Variants in WDR18 observed in about 807,000 individuals in gnomAD.
The protein encoded by WDR18 is WD repeat-containing protein 18.
In WDR18, 33 loss-of-function variants were observed where a neutral mutation model predicts 49.6. That is an observed-to-expected ratio of 0.67 (90% CI 0.50 to 0.89). The LOEUF is 0.89. Ranked by LOEUF, WDR18 falls within the 40% of genes least tolerant of loss-of-function variation. The pLI, the probability that WDR18 is intolerant of heterozygous loss-of-function variation, is 0.00. For missense variants in WDR18, 653 were observed against 593.6 expected, an observed-to-expected ratio of 1.10 and a Z score of -1.04; for synonymous variants, 315 against 263.6, an observed-to-expected ratio of 1.19 and a Z score of -1.89.
At chr19:987,910 C>T (rs2038493781) in intron 2 of WDR18, among the ~76,000 whole-genome samples, 2 of 146,078 alleles carry the variant, frequency 1.4e-5, no homozygotes, top group African/African-American at 5.1e-5. Flanking sequence ...TCTCAGATCA[C>T]TGCAACCTCA....
intron 8 of WDR18, 62 bp from the exon 9 acceptor site, chr19:993,958 G>A: frequency 1.3e-6 from 2 of 1,532,304 alleles, no homozygotes; most frequent in Non-Finnish European, 1.8e-6. Flanking sequence ...GGGGTGGGAT[G>A]GGCAAAGCGT....
rs773375669 is a variant in WDR18, at chr19:992,015, G to A, written c.992G>A (p.Arg331Lys). ...APVSMLSSDF[R>K]PSLPLPHFNK... The stretch of plus-strand genomic sequence containing the variant: ...GTCAGCATGCTGAGCTCAGACTTCA[G>A]GCCCAGCCTGCCGCTGCCCCACTTC... The change falls in exon 8 of 10, where the codon AGG becomes AAG. Residue 331 changes from arginine to lysine, a missense_variant. Coordinates refer to ENST00000585809, the MANE Select transcript of WDR18 (RefSeq NM_024100.4). The A allele has an allele frequency of 3.8e-6, 6 of 1,595,568 alleles. No individual in the cohort carries two copies. The East Asian group carries it at 1.1e-4, about 30-fold the overall frequency.
At chr19:983,517 C>G (rs1054552434), upstream of WDR18, among the ~76,000 whole-genome samples, 11 of 150,732 alleles carry the variant, frequency 7.3e-5, no homozygotes, top group Middle Eastern at 3.5e-3. Context: ...CCACCTCGGC[C>G]TCCCAAAGTG....
intron 2 of WDR18, among the ~76,000 whole-genome samples, chr19:988,473 C>T (rs972967048): frequency 7.2e-5 from 11 of 152,336 alleles, no homozygotes; most frequent in African/African-American, 2.6e-4. Context: ...ATCCTGCTTC[C>T]TCTGGTGCCA....
At chr19:986,588 C>T (rs1338350286) in intron 2 of WDR18, among the ~76,000 whole-genome samples, 3 of 152,142 alleles carry the variant, frequency 2.0e-5, no homozygotes, top group Non-Finnish European at 4.4e-5. Context: ...TTTTTCTTAC[C>T]GCTGGACCAA....
Position 991,954 on chromosome 19 carries a change from G to A in WDR18, c.932-1G>A. 1.3e-6 allele frequency: 2 copies of A among 1,583,660 alleles called. No homozygotes were observed. Among genetic ancestry groups the A allele is most frequent in the South Asian group, 1.1e-5 (1 of 88,674 alleles). ...CGGGGCCTGACCTCCGCGCCCCCCA[G>A]GCCCAGTCACCAATGCCGCCATCCT... On this transcript the variant is annotated splice_acceptor_variant, in intron 7 of 9. Coordinates refer to ENST00000585809, the MANE Select transcript of WDR18 (RefSeq NM_024100.4). LOFTEE classifies it high-confidence loss of function.
In WDR18 at chr19:989,833, G is replaced by C. The variant is rs1389529120; in HGVS notation, c.393G>C (p.Gly131=). The change falls in exon 3 of 10, where the codon GGG becomes GGC. Residue 131 remains glycine (G), a synonymous_variant. Coordinates refer to ENST00000585809, the MANE Select transcript of WDR18 (RefSeq NM_024100.4). ...ACGTCTCCTGCCTTCAGTTCACAGG[G>C]GACAGCAGCCACTTCATCTCAGGGG... The part of the protein sequence containing the change: ...YQDVSCLQFT[G]DSSHFISGGK... 2.5e-6 allele frequency: 4 copies of C among 1,612,744 alleles called. No homozygotes were observed. The highest frequency in any genetic ancestry group is 2.2e-5 in the South Asian group (2 of 91,074).
chr19:992,649 C>T (rs947788424), intron 8 of WDR18, among the ~76,000 whole-genome samples: 2 of 152,200 alleles, frequency 1.3e-5, no homozygotes, highest in East Asian at 1.9e-4. Flanking sequence ...AGGGTGGGCT[C>T]CCTTACCTTC....
At chr19:984,687 T>G in intron 1 of WDR18, 124 bp downstream of exon 1, 1 of 1,076,484 alleles carries the variant, frequency 9.3e-7, no homozygotes, top group South Asian at 1.9e-5. Flanking sequence ...GTGGTCTCCG[T>G]TCGGGCGCTC....
At chr19:992,358 G>A (rs961820099) in intron 8 of WDR18, among the ~76,000 whole-genome samples, 3 of 152,344 alleles carry the variant, frequency 2.0e-5, no homozygotes, top group East Asian at 1.9e-4. Context: ...CAGCAGGGCC[G>A]AGCTGCACGC....
At chr19:989,580 C>T (rs1009993801) in intron 2 of WDR18, among the ~76,000 whole-genome samples, 182 bp from the exon 3 acceptor site, 2 of 152,138 alleles carry the variant, frequency 1.3e-5, no homozygotes, top group Admixed American at 6.5e-5. Context: ...AGGGGCGCGA[C>T]GAGGCCCCGC....
At position 992,099 on chromosome 19, in the gene WDR18, T is replaced by A; in HGVS notation, c.1076T>A (p.Leu359Gln). 6.6e-7 allele frequency: 1 copy of A among 1,512,156 alleles called. No homozygotes were observed. The allele number at this position is 1,512,156 out of a possible 1,614,324, so 93.7% of individuals were successfully genotyped here. A position where few individuals can be genotyped will look rare whatever the true frequency, so the allele number is the denominator to read the frequency against. ...GDEPRHGGLT[L>Q]RLGLHQQGSE... ...GAGCCGCGCCACGGGGGCCTCACTCTGCGCCTGGGCCTCCACCAGCAGGTA... is the reference window on the plus strand; with the variant it reads ...GAGCCGCGCCACGGGGGCCTCACTCAGCGCCTGGGCCTCCACCAGCAGGTA... The change falls in exon 8 of 10, where the codon CTG becomes CAG. Residue 359 changes from leucine (L) to glutamine (Q), a missense_variant. Transcript: ENST00000585809.
At chr19:984,623 T>G (rs1178753687) in intron 1 of WDR18, 60 bp downstream of exon 1, 5 of 1,354,048 alleles carry the variant, frequency 3.7e-6, no homozygotes, top group Non-Finnish European at 4.8e-6. Flanking sequence ...AGTCGGGGGA[T>G]GGGTTGGTGG....
intron 8 of WDR18, 48 bp downstream of exon 8, chr19:992,169 C>T: frequency 1.4e-6 from 2 of 1,399,010 alleles, no homozygotes; most frequent in Non-Finnish European, 1.8e-6. Flanking sequence ...TCCCGGAAGA[C>T]CCCGCGGGCC....
chr19:984,834 G>C (rs1568383400), intron 1 of WDR18, among the ~76,000 whole-genome samples: 1 of 152,144 alleles, frequency 6.6e-6, no homozygotes. Context: ...GGTCCCTTGG[G>C]GCAATTGCGC....
intron 2 of WDR18, among the ~76,000 whole-genome samples, 189 bp from the exon 3 acceptor site, chr19:989,573 G>A (rs1452947851): frequency 6.6e-6 from 1 of 152,206 alleles, no homozygotes; most frequent in Non-Finnish European, 1.5e-5. Flanking sequence ...CCCAGGCAGG[G>A]GCGCGACGAG....
Position 994,382 on chromosome 19 carries a change from C to G in WDR18, c.*38C>G, listed in dbSNP as rs1168589014. The G allele has an allele frequency of 5.7e-6, 9 of 1,572,664 alleles. No homozygotes were observed. In the African/African-American group the frequency reaches 1.1e-4, roughly 19 times the overall value. On this transcript the variant is annotated 3_prime_UTR_variant, in exon 10 of 10. Transcript: ENST00000585809. Reference sequence around the variant, plus strand: ...CCGGCCCGAGGCGCCCAGGCCTGAGCCCCATGCCTCCCAGCAACCAGGGCC... The same window carrying G: ...CCGGCCCGAGGCGCCCAGGCCTGAGGCCCATGCCTCCCAGCAACCAGGGCC...
At position 985,967 on chromosome 19, in the gene WDR18, C is replaced by T; in HGVS notation, c.313C>T (p.Leu105=). The T allele has an allele frequency of 6.2e-7, 1 of 1,613,610 alleles. No individual in the cohort carries two copies. The highest frequency in any genetic ancestry group is 8.5e-7 in the Non-Finnish European group (1 of 1,179,890). The stretch of plus-strand genomic sequence containing the variant: ...GGCAGGAGTTGCAGAAAGCATCCAC[C>T]TGTGGGAGGTAAGAGGAGCAAAGCG... The part of the protein sequence containing the change: ...VLAGVAESIH[L]WEVSTGNLLV... Residue 105 remains leucine (L), a synonymous_variant, in exon 2 of 10, where the codon CTG becomes TTG. Coordinates refer to ENST00000585809, the MANE Select transcript of WDR18 (RefSeq NM_024100.4).
intron 2 of WDR18, among the ~76,000 whole-genome samples, 196 bp downstream of exon 2, chr19:986,171 A>T (rs768691075): frequency 6.6e-6 from 1 of 152,072 alleles, no homozygotes; most frequent in Non-Finnish European, 1.5e-5. Flanking sequence ...GACCAGCCCT[A>T]ATCCTGCCTT....
Sources: gnomAD v4.1 joint callset for allele counts (sites outside exome capture counted in the v4.1 genomes callset) on GRCh38, gnomAD v4.1.1 for gene constraint, MANE v1.5 for transcripts, NCBI Gene and HGNC (gene_info 2026-07-23, HGNC 2026-07-21) for gene names.